The following DTWD2 variants were observed in gnomAD, a reference collection of about 807,000 sequenced individuals.
DTWD2 encodes DTW motif tRNA-uridine aminocarboxypropyltransferase 2.
In DTWD2, 39 loss-of-function variants were observed where a neutral mutation model predicts 31.8. That is an observed-to-expected ratio of 1.22 (90% CI 0.95 to 1.60). The LOEUF is 1.60. Among genes scored for constraint, DTWD2 ranks in the 40% most tolerant of loss-of-function variants. The pLI is 0.00. For synonymous variants in DTWD2, 180 were observed against 142.8 expected (o/e 1.26, Z -1.86); for missense variants, 515 against 381.5 (o/e 1.35, Z -2.92).
chr5:118,924,170 C>T (rs1401525751), intron 4 of DTWD2, among the ~76,000 whole-genome samples: 1 of 152,190 alleles, frequency 6.6e-6, no homozygotes, highest in Non-Finnish European at 1.5e-5. Context: ...TCTCACACAG[C>T]TGTTTATCAG....
intron 4 of DTWD2, among the ~76,000 whole-genome samples, chr5:118,887,350 G>C (rs1168194248): frequency 6.6e-6 from 1 of 152,040 alleles, no homozygotes; most frequent in African/African-American, 2.4e-5. Context: ...CTAGATAATT[G>C]GCACTAAGTT....
chr5:118,894,213 G>A (rs1328195803), intron 4 of DTWD2, among the ~76,000 whole-genome samples: 1 of 152,020 alleles, frequency 6.6e-6, no homozygotes, highest in Non-Finnish European at 1.5e-5. Context: ...TCTGATAGAA[G>A]AGCGACCCTT....
At chr5:118,972,621 T>C (rs759908954) in intron 1 of DTWD2, among the ~76,000 whole-genome samples, 6 of 152,156 alleles carry the variant, frequency 3.9e-5, no homozygotes, top group Non-Finnish European at 7.3e-5. Flanking sequence ...CCAAACTCAT[T>C]TTATGAAGCC....
chr5:118,959,082 T>C (rs926844124), intron 1 of DTWD2, among the ~76,000 whole-genome samples: 3 of 152,146 alleles, frequency 2.0e-5, no homozygotes, highest in African/African-American at 4.8e-5. Flanking sequence ...TAACATTGTA[T>C]TGGAAGTCCT....
At chr5:118,931,606 C>T (rs1753926231) in intron 3 of DTWD2, among the ~76,000 whole-genome samples, 2 of 151,948 alleles carry the variant, frequency 1.3e-5, no homozygotes, top group South Asian at 4.1e-4. Context: ...ACCAATAGAA[C>T]TGAAAAAAGA....
chr5:118,910,312 T>G (rs1753430983), intron 4 of DTWD2, among the ~76,000 whole-genome samples: 1 of 152,356 alleles, frequency 6.6e-6, no homozygotes, highest in South Asian at 2.1e-4. Flanking sequence ...CACTGCTCAG[T>G]AGTACTGCCT....
chr5:118,973,693 G>C (rs189685102), intron 1 of DTWD2: 1 of 1,389,380 alleles, frequency 7.2e-7, no homozygotes, highest in Non-Finnish European at 9.9e-7. Flanking sequence ...CCTCCGCCAC[G>C]CGCCTCCTCC....
intron 1 of DTWD2, among the ~76,000 whole-genome samples, chr5:118,979,052 C>A (rs1321992807): frequency 1.3e-5 from 2 of 151,976 alleles, no homozygotes; most frequent in Admixed American, 1.3e-4. Context: ...CGCCTATAAT[C>A]CCAGCACTTT....
At chr5:118,903,471 G>C (rs1753260493) in intron 4 of DTWD2, among the ~76,000 whole-genome samples, 1 of 151,940 alleles carries the variant, frequency 6.6e-6, no homozygotes. Context: ...ATATTAATCA[G>C]TGTTAAAGGG....
At chr5:118,944,187 C>T (rs1416516556) in intron 2 of DTWD2, among the ~76,000 whole-genome samples, 2 of 152,128 alleles carry the variant, frequency 1.3e-5, no homozygotes, top group Non-Finnish European at 2.9e-5. Context: ...GCCAAAGTTA[C>T]TTCTACTGGA....
chr5:118,958,717 G>A (rs565515392), intron 1 of DTWD2, among the ~76,000 whole-genome samples: 34 of 151,818 alleles, frequency 2.2e-4, no homozygotes, highest in African/African-American at 6.3e-4. Flanking sequence ...TTAGCAAACC[G>A]AATCCAGCAG....
intron 4 of DTWD2, among the ~76,000 whole-genome samples, chr5:118,875,430 C>T (rs1447617204): frequency 6.6e-6 from 1 of 151,830 alleles, no homozygotes; most frequent in Non-Finnish European, 1.5e-5. Flanking sequence ...AGAACCAAGA[C>T]CTATTGGTAT....
intron 1 of DTWD2, among the ~76,000 whole-genome samples, chr5:118,970,395 C>T (rs529852504): frequency 1.3e-5 from 2 of 152,064 alleles, no homozygotes; most frequent in East Asian, 3.9e-4. Context: ...CCACGGCACT[C>T]CAGCCTGCTA....
Position 118,969,900 on chromosome 5 carries a change from T to C in DTWD2, c.218+18394A>G, listed in dbSNP as rs974621797. The stretch of plus-strand genomic sequence containing the variant: ...AAAGCTTCACTGAGCTAAAGGAGCA[T>C]GTTCTAACCCAATGCAAAGAAGCTA... On this transcript the variant is annotated intron_variant, in intron 1 of 5. Transcript: ENST00000510708. Among the ~76,000 whole-genome samples the C allele has an allele frequency of 3.3e-5, 5 of 152,150 alleles. No individual in the cohort carries two copies. The East Asian group carries it at 9.6e-4, about 29-fold the overall frequency.
intron 1 of DTWD2, among the ~76,000 whole-genome samples, chr5:118,956,451 A>C (rs952489060): frequency 6.6e-6 from 1 of 152,224 alleles, no homozygotes; most frequent in Non-Finnish European, 1.5e-5. Context: ...TTGCTTCCTA[A>C]ACAAATGCTG....
Position 118,988,532 on chromosome 5 carries a change from C to A in DTWD2, c.-21G>T. On this transcript the variant is annotated 5_prime_UTR_variant, in exon 1 of 6. Coordinates refer to ENST00000510708, the MANE Select transcript of DTWD2 (RefSeq NM_173666.4). The stretch of plus-strand genomic sequence containing the variant: ...TCCATGGCGGACACTCCGGTCAGGC[C>A]GTGGCATTGAAGCCCGGCTGCCGCC... 6.7e-7 allele frequency: 1 copy of A among 1,501,558 alleles called. No homozygotes were observed. The allele number at this position is 1,501,558 out of a possible 1,614,324, so 93.0% of individuals were successfully genotyped here.
At position 118,838,525 on chromosome 5, in the gene DTWD2, T is replaced by G. The variant is rs1358664447; in HGVS notation, c.*2392A>C. 6.6e-6 allele frequency: 1 copy of G among 152,130 alleles called. No homozygotes were observed. The highest frequency in any genetic ancestry group is 1.5e-5 in the Non-Finnish European group (1 of 68,036). 9.4% of individuals were successfully genotyped at this position (152,130 alleles called of 1,614,324 possible). ...CTACACACTTGAGAACTTTTAGTAA[T>G]TAAAATAATGGCTTTTAAAACTTAC... On this transcript the variant is annotated 3_prime_UTR_variant, in exon 6 of 6. Coordinates refer to ENST00000510708, the MANE Select transcript of DTWD2 (RefSeq NM_173666.4).
chr5:118,936,726 A>G (rs1401331150), intron 3 of DTWD2, among the ~76,000 whole-genome samples: 1 of 152,088 alleles, frequency 6.6e-6, no homozygotes, highest in African/African-American at 2.4e-5. Flanking sequence ...AAAAAGAAAA[A>G]AGAGAAATTA....
intron 1 of DTWD2, among the ~76,000 whole-genome samples, chr5:118,978,018 G>C (rs574616749): frequency 1.3e-5 from 2 of 151,976 alleles, no homozygotes; most frequent in African/African-American, 4.8e-5. Context: ...TAGACCAATG[G>C]AACAGAATAG....
Sources: allele counts gnomAD v4.1 joint callset (sites outside exome capture counted in the v4.1 genomes callset), GRCh38; gene constraint gnomAD v4.1.1; transcripts MANE v1.5; gene names NCBI Gene and HGNC (gene_info 2026-07-23, HGNC 2026-07-21).